TRAPPC9: variants seen among roughly 807,000 people sequenced by gnomAD.
TRAPPC9 encodes the protein trafficking protein particle complex subunit 9, also known as IKK2 binding protein.
TRAPPC9 carries 83 observed loss-of-function variants against 124.0 expected under a neutral mutation model. The observed-to-expected ratio is 0.67, with a 90% CI of 0.56 to 0.80. The LOEUF is 0.80. Among genes scored for constraint, TRAPPC9 ranks in the 30% least tolerant of loss-of-function variants. TRAPPC9 has a pLI of 0.00. For missense variants in TRAPPC9, 1,302 were observed against 1,508.3 expected, an observed-to-expected ratio of 0.86 and a Z score of 2.27; for synonymous variants, 638 against 617.5, an observed-to-expected ratio of 1.03 and a Z score of -0.49.
chr8:139,868,410 T>C (rs1828685553), intron 21 of TRAPPC9, among the ~76,000 whole-genome samples: 1 of 152,246 alleles, frequency 6.6e-6, no homozygotes, highest in African/African-American at 2.4e-5. Flanking sequence ...ACTACCATAC[T>C]TGCAGCTTTT....
intron 15 of TRAPPC9, among the ~76,000 whole-genome samples, chr8:140,253,537 G>C (rs1006826235): frequency 6.6e-6 from 1 of 152,124 alleles, no homozygotes; most frequent in African/African-American, 2.4e-5. Flanking sequence ...AATTTAGCCA[G>C]TGTGGCAGCG....
chr8:139,801,423 G>A (rs888197363), intron 21 of TRAPPC9, among the ~76,000 whole-genome samples: 7 of 152,238 alleles, frequency 4.6e-5, no homozygotes, highest in South Asian at 2.1e-4. Flanking sequence ...CGTGGGTGTG[G>A]CAGGAATCTG....
intron 21 of TRAPPC9, among the ~76,000 whole-genome samples, chr8:139,870,493 A>T (rs1016930349): frequency 6.6e-6 from 1 of 152,246 alleles, no homozygotes; most frequent in Non-Finnish European, 1.5e-5. Context: ...CATCATGCTT[A>T]TAACAGCAAA....
chr8:140,021,090 A>G (rs1271515587), intron 18 of TRAPPC9, among the ~76,000 whole-genome samples: 1 of 152,150 alleles, frequency 6.6e-6, no homozygotes, highest in African/African-American at 2.4e-5. Flanking sequence ...TATTAAATCT[A>G]TTTACGTTTA....
chr8:139,955,413 G>A (rs537090415), intron 19 of TRAPPC9, among the ~76,000 whole-genome samples: 1 of 151,898 alleles, frequency 6.6e-6, no homozygotes, highest in Non-Finnish European at 1.5e-5. Context: ...GGGCTCCTCC[G>A]AGATGGATCC....
intron 15 of TRAPPC9, among the ~76,000 whole-genome samples, chr8:140,256,535 G>A (rs562291970): frequency 4.9e-4 from 75 of 152,172 alleles, no homozygotes; most frequent in African/African-American, 1.6e-3. Context: ...CAGGACCCCC[G>A]GGCAGGCCCA....
chr8:140,153,524 G>A (rs918889519), intron 17 of TRAPPC9, among the ~76,000 whole-genome samples: 3 of 151,980 alleles, frequency 2.0e-5, no homozygotes, highest in Admixed American at 1.3e-4. Context: ...CTAATGTTAT[G>A]TTTATGGCTC....
intron 5 of TRAPPC9, among the ~76,000 whole-genome samples, chr8:140,409,486 G>GA (rs1211551860): frequency 1.3e-5 from 2 of 152,104 alleles, no homozygotes; most frequent in African/African-American, 4.8e-5. Context: ...CAACAGTACA[G>GA]AAACATACCT....
chr8:139,818,869 C>T (rs1207375674), intron 21 of TRAPPC9, among the ~76,000 whole-genome samples: 1 of 152,216 alleles, frequency 6.6e-6, no homozygotes, highest in Non-Finnish European at 1.5e-5. Flanking sequence ...GAAAACTTTC[C>T]TTGTCCTCTT....
At chr8:140,077,785 G>T (rs1843593873) in intron 17 of TRAPPC9, among the ~76,000 whole-genome samples, 1 of 152,166 alleles carries the variant, frequency 6.6e-6, no homozygotes, top group African/African-American at 2.4e-5. Context: ...GCAGGCGGAA[G>T]AATGATTGTG....
At chr8:140,170,836 A>G (rs1291833007) in intron 17 of TRAPPC9, among the ~76,000 whole-genome samples, 1 of 152,236 alleles carries the variant, frequency 6.6e-6, no homozygotes, top group African/African-American at 2.4e-5. Flanking sequence ...CCAGGCCTGC[A>G]GCCTCACAGG....
At chr8:139,836,525 C>G (rs763100170) in intron 21 of TRAPPC9, among the ~76,000 whole-genome samples, 6 of 152,228 alleles carry the variant, frequency 3.9e-5, no homozygotes, top group Non-Finnish European at 7.3e-5. Flanking sequence ...CAGCCCAGGC[C>G]TGCATGAAGC....
At chr8:140,050,195 G>A (rs559219623) in intron 17 of TRAPPC9, among the ~76,000 whole-genome samples, 13 of 152,326 alleles carry the variant, frequency 8.5e-5, no homozygotes, top group Admixed American at 1.3e-4. Context: ...CAGCTCAGGC[G>A]TAAAGCCTCC....
chr8:139,770,508 C>T (rs1820887253), intron 21 of TRAPPC9, among the ~76,000 whole-genome samples: 1 of 152,212 alleles, frequency 6.6e-6, no homozygotes, highest in Non-Finnish European at 1.5e-5. Flanking sequence ...GCGAGATGGG[C>T]CTGGGTCCCC....
At chr8:140,019,360 G>C (rs1427588692) in intron 18 of TRAPPC9, among the ~76,000 whole-genome samples, 2 of 151,976 alleles carry the variant, frequency 1.3e-5, no homozygotes, top group African/African-American at 4.8e-5. Flanking sequence ...TTCTGAAAAA[G>C]TTTTTGTAAA....
intron 17 of TRAPPC9, among the ~76,000 whole-genome samples, chr8:140,153,969 T>A (rs1229376530): frequency 6.6e-6 from 1 of 152,174 alleles, no homozygotes; most frequent in Non-Finnish European, 1.5e-5. Context: ...CACCCTTCCC[T>A]ACTATTTACC....
intron 17 of TRAPPC9, among the ~76,000 whole-genome samples, chr8:140,093,132 C>T (rs926483396): frequency 1.3e-5 from 2 of 152,098 alleles, no homozygotes; most frequent in African/African-American, 2.4e-5. Context: ...CATTGGAAGA[C>T]CTCCAAAATC....
intron 19 of TRAPPC9, among the ~76,000 whole-genome samples, chr8:139,946,821 A>AT (rs141276777): frequency 0.47 from 47,780 of 102,250 alleles, 8,903 homozygotes; most frequent in East Asian, 0.57. Flanking sequence ...TCTGCTAAAA[A>AT]TTTAAAAAAA....
intron 17 of TRAPPC9, among the ~76,000 whole-genome samples, chr8:140,194,235 A>G (rs1314681336): frequency 6.6e-6 from 1 of 151,514 alleles, no homozygotes; most frequent in Non-Finnish European, 1.5e-5. Flanking sequence ...AACTCCTCCT[A>G]TCCAGTCTCT....
Sources: allele counts gnomAD v4.1 joint callset (sites outside exome capture counted in the v4.1 genomes callset), GRCh38; gene constraint gnomAD v4.1.1; transcripts MANE v1.5; gene names NCBI Gene and HGNC (gene_info 2026-07-23, HGNC 2026-07-21).